Variants in RGS6 observed in about 807,000 individuals in gnomAD.
The protein encoded by RGS6 is regulator of G-protein signaling 6.
RGS6 carries 30 observed loss-of-function variants against 78.5 expected under a neutral mutation model. The observed-to-expected ratio is 0.38, with a 90% CI of 0.29 to 0.52. RGS6 has a LOEUF of 0.52. Among genes scored for constraint, RGS6 ranks in the 20% least tolerant of loss-of-function variants. The pLI is 0.85. For missense variants in RGS6, 495 were observed against 609.7 expected (o/e 0.81, Z 1.98); for synonymous variants, 206 against 206.0 (o/e 1.00, Z 0.00).
At chr14:72,535,208 A>G (rs980542475) in intron 15 of RGS6, among the ~76,000 whole-genome samples, 3 of 152,212 alleles carry the variant, frequency 2.0e-5, no homozygotes, top group Non-Finnish European at 4.4e-5. Context: ...TGCCAAGGCC[A>G]GAATGTATAA....
chr14:72,161,604 G>A (rs989713482), intron 2 of RGS6, among the ~76,000 whole-genome samples: 1 of 152,152 alleles, frequency 6.6e-6, no homozygotes, highest in African/African-American at 2.4e-5. Context: ...TGAGCTAGGG[G>A]GCTCAAAACA....
intron 3 of RGS6, among the ~76,000 whole-genome samples, chr14:72,364,517 C>G (rs538417211): frequency 6.6e-6 from 1 of 152,212 alleles, no homozygotes; most frequent in African/African-American, 2.4e-5. Context: ...CACAAACCAG[C>G]AGATACCAGC....
At chr14:72,111,716 G>T (rs758474488) in intron 2 of RGS6, among the ~76,000 whole-genome samples, 2 of 152,126 alleles carry the variant, frequency 1.3e-5, no homozygotes, top group Admixed American at 6.5e-5. Flanking sequence ...GACCACATTT[G>T]TATATATGTG....
chr14:72,342,896 G>A (rs2077310478), intron 2 of RGS6, among the ~76,000 whole-genome samples: 1 of 152,078 alleles, frequency 6.6e-6, no homozygotes. Flanking sequence ...TCTTCCCCAA[G>A]TGGGCTACCA....
chr14:72,253,633 ACCT>A (rs1252442209), intron 2 of RGS6, among the ~76,000 whole-genome samples: 4 of 151,960 alleles, frequency 2.6e-5, no homozygotes, highest in African/African-American at 9.7e-5. Context: ...TTGCTTCCTC[ACCT>A]CCTTGAAGTT....
intron 2 of RGS6, among the ~76,000 whole-genome samples, chr14:72,348,829 C>T (rs1296609274): frequency 6.6e-6 from 1 of 152,186 alleles, no homozygotes; most frequent in Non-Finnish European, 1.5e-5. Flanking sequence ...TGTATCATAA[C>T]TTTGCTGTAG....
chr14:72,250,739 G>A (rs1006616985), intron 2 of RGS6, among the ~76,000 whole-genome samples: 3 of 152,174 alleles, frequency 2.0e-5, no homozygotes, highest in Admixed American at 2.0e-4. Flanking sequence ...TGAGAATTAA[G>A]AATGTATGGT....
At chr14:72,148,465 G>A (rs2096638424) in intron 2 of RGS6, among the ~76,000 whole-genome samples, 1 of 152,210 alleles carries the variant, frequency 6.6e-6, no homozygotes, top group Non-Finnish European at 1.5e-5. Flanking sequence ...CAGTAAACAT[G>A]AAGGGAACAC....
the RGS6 span, among the ~76,000 whole-genome samples, chr14:72,596,385 T>C: frequency 6.6e-6 from 1 of 152,204 alleles, no homozygotes; most frequent in South Asian, 2.1e-4. Context: ...TTAATCTTCC[T>C]ATCTTAAAGT....
chr14:72,433,394 A>T (rs2094744945), intron 3 of RGS6, among the ~76,000 whole-genome samples: 1 of 152,050 alleles, frequency 6.6e-6, no homozygotes, highest in Non-Finnish European at 1.5e-5. Flanking sequence ...GCTGGGCTTA[A>T]TACCTAGGTG....
chr14:72,357,277 AT>A (rs1258907128), intron 3 of RGS6, among the ~76,000 whole-genome samples: 1 of 151,780 alleles, frequency 6.6e-6, no homozygotes, highest in East Asian at 1.9e-4. Flanking sequence ...AAAAAAAAAA[AT>A]AGAAAATATG....
At chr14:71,985,425 A>G (rs961020614) in intron 2 of RGS6, among the ~76,000 whole-genome samples, 4 of 152,176 alleles carry the variant, frequency 2.6e-5, no homozygotes, top group African/African-American at 9.7e-5. Flanking sequence ...CCTGGCTATC[A>G]TAGTTTTAAA....
intron 3 of RGS6, among the ~76,000 whole-genome samples, chr14:72,383,213 T>TATATATAA (rs1387301746): frequency 2.5e-5 from 3 of 118,338 alleles, no homozygotes; most frequent in Non-Finnish European, 5.2e-5. Flanking sequence ...TATATATATA[T>TATATATAA]ACACACAAAC....
chr14:72,247,810 G>A (rs531264297), intron 2 of RGS6, among the ~76,000 whole-genome samples: 1 of 152,150 alleles, frequency 6.6e-6, no homozygotes, highest in African/African-American at 2.4e-5. Context: ...CTTGTGGACT[G>A]TCTTATTCTT....
intron 2 of RGS6, among the ~76,000 whole-genome samples, chr14:72,185,049 A>G (rs952471573): frequency 6.6e-6 from 1 of 152,196 alleles, no homozygotes; most frequent in Non-Finnish European, 1.5e-5. Flanking sequence ...CTGGCAAACC[A>G]CTGGTGTAAA....
At position 72,299,836 on chromosome 14, in the gene RGS6, G is replaced by A. The variant is rs201963195; in HGVS notation, c.85-52259G>A. 6.6e-5 allele frequency among the ~76,000 whole-genome samples: 10 copies of A among 152,228 alleles called. No homozygotes were observed. In the East Asian group the frequency reaches 1.3e-3, roughly 21 times the overall value. On this transcript the variant is annotated intron_variant, in intron 2 of 17. Coordinates refer to ENST00000553525, the MANE Select transcript of RGS6 (RefSeq NM_001204424.2). Reference sequence around the variant, plus strand: ...TCCTTTAATGACTGTAGAATCTATAGCAATATCCCTTCTCACTTTCCTGAT... The same window carrying A: ...TCCTTTAATGACTGTAGAATCTATAACAATATCCCTTCTCACTTTCCTGAT...
chr14:72,055,552 C>T (rs561966225), intron 2 of RGS6, among the ~76,000 whole-genome samples: 2 of 152,112 alleles, frequency 1.3e-5, no homozygotes, highest in Non-Finnish European at 2.9e-5. Flanking sequence ...CTTGCCTCTG[C>T]ACAGTGGAAT....
chr14:72,446,747 G>T (rs1260648338), intron 3 of RGS6, among the ~76,000 whole-genome samples: 2 of 152,198 alleles, frequency 1.3e-5, no homozygotes, highest in Admixed American at 1.3e-4. Flanking sequence ...CGCACCTGGG[G>T]GGTGATGGGA....
chr14:72,236,932 C>T (rs532688496), intron 2 of RGS6, among the ~76,000 whole-genome samples: 3 of 152,362 alleles, frequency 2.0e-5, no homozygotes, highest in African/African-American at 4.8e-5. Flanking sequence ...ATTCTTACCA[C>T]CCAGAATGGT....
Sources: gnomAD v4.1 joint callset for allele counts (sites outside exome capture counted in the v4.1 genomes callset) on GRCh38, gnomAD v4.1.1 for gene constraint, MANE v1.5 for transcripts, NCBI Gene and HGNC (gene_info 2026-07-23, HGNC 2026-07-21) for gene names.